PRH1: variants seen among roughly 807,000 people sequenced by gnomAD.
PRH1 encodes the protein proline rich protein HaeIII subfamily 1.
In PRH1, 7 loss-of-function variants were observed where a neutral mutation model predicts 7.9. That is an observed-to-expected ratio of 0.89 (90% CI 0.50 to 1.67). The LOEUF is 1.67. Ranked by LOEUF, PRH1 falls within the 40% of genes most tolerant of loss-of-function variation. The pLI is 0.00. For missense variants in PRH1, 109 were observed against 223.6 expected, an observed-to-expected ratio of 0.49 and a Z score of 3.27; for synonymous variants, 45 against 80.8, an observed-to-expected ratio of 0.56 and a Z score of 2.38.
Position 10,909,126 on chromosome 12 carries a change from A to C in PRH1, c.-58-24851T>G, listed in dbSNP as rs773861691. The C allele has an allele frequency of 3.1e-6, 5 of 1,613,802 alleles. No homozygotes were observed. The East Asian group carries it at 1.1e-4, about 36-fold the overall frequency. On this transcript the variant is annotated intron_variant, in intron 2 of 3. Coordinates refer to the PRH1 transcript ENST00000539853. ...CCAACTTACTAATATTTCCCAGATCAGCCCAATTCTGGAGATTGCCAAGAT... is the reference window on the plus strand; with the variant it reads ...CCAACTTACTAATATTTCCCAGATCCGCCCAATTCTGGAGATTGCCAAGAT...
At position 11,090,831 on chromosome 12, in the gene PRH1, C is replaced by A. The variant is rs1216369070; in HGVS notation, n.124-43643G>T. On this transcript the variant is annotated intron_variant and non_coding_transcript_variant, in intron 1 of 4. Transcript: ENST00000541977. ...CCATCCAATAAATTTGAGGTTCAAG[C>A]AATGAATTCTAAGCACAATGTGGTA... 1.8e-5 allele frequency among the ~76,000 whole-genome samples: 2 copies of A among 113,556 alleles called. 1 individual carries two copies. The highest frequency in any genetic ancestry group is 5.9e-5 in the African/African-American group (2 of 34,052). The allele number at this position is 113,556 out of a possible 152,430, so 74.5% of individuals were successfully genotyped here.
At chr12:10,938,343 G>C (rs762552846) in intron 2 of PRH1, 124 of 1,613,886 alleles carry the variant, frequency 7.7e-5, no homozygotes, top group Non-Finnish European at 1.0e-4. Context: ...AGAGAGGCCT[G>C]TCTCAGCTTC....
intron 1 of PRH1, among the ~76,000 whole-genome samples, chr12:11,046,037 G>A (rs968067617): frequency 2.6e-5 from 4 of 152,092 alleles, no homozygotes; most frequent in African/African-American, 9.7e-5. Flanking sequence ...ATATGCGCTT[G>A]AGAATTTTGC....
chr12:11,032,916 T>C (rs1185141612), intron 1 of PRH1, among the ~76,000 whole-genome samples: 1 of 152,170 alleles, frequency 6.6e-6, no homozygotes, highest in Non-Finnish European at 1.5e-5. Context: ...GGGATTCTTC[T>C]TCTTTCCATT....
chr12:10,938,394 A>T (rs1337104456), intron 2 of PRH1: 1 of 1,613,288 alleles, frequency 6.2e-7, no homozygotes, highest in Non-Finnish European at 8.5e-7. Context: ...CATGAAGGAT[A>T]AGCCATTCCC....
chr12:11,083,514 T>TCATTGTGAAA (rs1944564296), intron 1 of PRH1, among the ~76,000 whole-genome samples: 7 of 35,544 alleles, frequency 2.0e-4, no homozygotes, highest in Non-Finnish European at 3.2e-4. Context: ...TTAAATATTT[T>TCATTGTGAAA]TATTATTGTG....
At chr12:11,041,861 A>G (rs2708326) in intron 1 of PRH1, among the ~76,000 whole-genome samples, 66,621 of 151,966 alleles carry the variant, frequency 0.44, 15,416 homozygotes, top group Non-Finnish European at 0.51. Context: ...AAATGAAACA[A>G]TATGCTCCTG....
At chr12:11,115,598 C>G (rs1393006666) in intron 1 of PRH1, among the ~76,000 whole-genome samples, 1 of 152,082 alleles carries the variant, frequency 6.6e-6, no homozygotes, top group African/African-American at 2.4e-5. Context: ...AATAAACATT[C>G]TTTTCCTCAG....
At chr12:10,947,238 A>G (rs1270817314) in intron 2 of PRH1, among the ~76,000 whole-genome samples, 2 of 152,144 alleles carry the variant, frequency 1.3e-5, no homozygotes, top group Non-Finnish European at 2.9e-5. Flanking sequence ...GATGTCACTC[A>G]CTATTATTGG....
chr12:10,979,754 G>A (rs903325680), intron 1 of PRH1, among the ~76,000 whole-genome samples: 1 of 152,206 alleles, frequency 6.6e-6, no homozygotes, highest in Non-Finnish European at 1.5e-5. Flanking sequence ...TATGGCAGAA[G>A]TGACGACAAG....
chr12:10,913,003 C>T (rs1388039611), intron 2 of PRH1, among the ~76,000 whole-genome samples: 3 of 152,130 alleles, frequency 2.0e-5, no homozygotes, highest in Non-Finnish European at 4.4e-5. Flanking sequence ...AACTATCCTG[C>T]TATGAGTATA....
chr12:11,008,506 A>G (rs1200477209), intron 1 of PRH1, among the ~76,000 whole-genome samples: 1 of 149,656 alleles, frequency 6.7e-6, no homozygotes, highest in Non-Finnish European at 1.5e-5. Flanking sequence ...CTCCTGAGGT[A>G]AGCAATATCC....
intron 1 of PRH1, among the ~76,000 whole-genome samples, chr12:11,131,594 C>T (rs1347323993): frequency 1.3e-5 from 2 of 152,232 alleles, no homozygotes; most frequent in East Asian, 1.9e-4. Flanking sequence ...CGCAAATAGA[C>T]CAAAGTCTTT....
At position 11,039,652 on chromosome 12, in the gene PRH1, T is replaced by G. The variant is rs139235923; in HGVS notation, c.-126+7368A>C. Among the ~76,000 whole-genome samples the G allele has an allele frequency of 9.2e-5, 14 of 152,356 alleles. No homozygotes were observed. In the East Asian group the frequency reaches 2.7e-3, roughly 29 times the overall value. Reference sequence around the variant, plus strand: ...TAACTAGGATCATCACCAAAGTAGATTTATATTTTCAACGCCAGTAATATG... The same window carrying G: ...TAACTAGGATCATCACCAAAGTAGAGTTATATTTTCAACGCCAGTAATATG... On this transcript the variant is annotated intron_variant, in intron 1 of 3. Coordinates refer to the PRH1 transcript ENST00000539853.
chr12:10,983,673 G>A (rs527689031), intron 1 of PRH1, among the ~76,000 whole-genome samples: 1 of 152,324 alleles, frequency 6.6e-6, no homozygotes, highest in Non-Finnish European at 1.5e-5. Flanking sequence ...TTTCTCTTCC[G>A]TGGACTAATG....
intron 1 of PRH1, among the ~76,000 whole-genome samples, chr12:10,989,522 G>A (rs10161144): frequency 0.51 from 78,206 of 151,980 alleles, 20,969 homozygotes; most frequent in African/African-American, 0.61. Context: ...AGAAAATTCC[G>A]AATTTAAATT....
intron 1 of PRH1, among the ~76,000 whole-genome samples, chr12:11,139,341 C>T (rs1360002580): frequency 1.3e-5 from 2 of 152,084 alleles, no homozygotes; most frequent in African/African-American, 4.8e-5. Flanking sequence ...TCCCAATATA[C>T]GTCTTCTTGT....
chr12:11,064,307 A>G (rs1461090608), intron 1 of PRH1, among the ~76,000 whole-genome samples: 1 of 152,154 alleles, frequency 6.6e-6, no homozygotes, highest in Admixed American at 6.5e-5. Context: ...CTTGGACTCA[A>G]CATTGTGTTT....
At chr12:11,161,374 G>C (rs939873088) in intron 1 of PRH1, among the ~76,000 whole-genome samples, 9 of 152,236 alleles carry the variant, frequency 5.9e-5, no homozygotes, top group Admixed American at 2.0e-4. Context: ...GGGAGAATTT[G>C]TTTAGAGGAT....
Sources: allele counts gnomAD v4.1 joint callset (sites outside exome capture counted in the v4.1 genomes callset), GRCh38; gene constraint gnomAD v4.1.1; transcripts MANE v1.5; gene names NCBI Gene and HGNC (gene_info 2026-07-23, HGNC 2026-07-21).